VWA8: variants seen among roughly 807,000 people sequenced by gnomAD.
The protein encoded by VWA8 is von Willebrand factor A domain-containing protein 8.
A neutral mutation model predicts 241.5 loss-of-function variants in VWA8; 221 were observed. The ratio of observed to expected loss-of-function variants is 0.91; its 90% confidence interval spans 0.82 to 1.02. The LOEUF (loss-of-function observed/expected upper bound fraction) is 1.02. Among genes scored for constraint, VWA8 ranks in the 50% least tolerant of loss-of-function variants. The probability of loss-of-function intolerance (pLI) is 0.00; values close to 1 mark genes in which losing one functional copy is unlikely to be tolerated. For synonymous variants in VWA8, 852 were observed against 827.1 expected, an observed-to-expected ratio of 1.03 and a Z score of -0.52; for missense variants, 2,322 against 2,328.7, an observed-to-expected ratio of 1.00 and a Z score of 0.06.
chr13:41,624,629 T>G (rs2044677277), intron 37 of VWA8, among the ~76,000 whole-genome samples: 1 of 152,178 alleles, frequency 6.6e-6, no homozygotes, highest in South Asian at 2.1e-4. Flanking sequence ...CAACATCCCT[T>G]TATGTTAAAA....
At position 41,719,604 on chromosome 13, in the gene VWA8, G is replaced by A; in HGVS notation, c.3103C>T (p.Gln1035Ter). The change falls in exon 26 of 45, where the codon CAG becomes TAG. Residue 1035 changes from glutamine to a stop codon, truncating the protein, a stop_gained. Transcript: ENST00000379310. LOFTEE classifies it high-confidence loss of function. ...IPIGAKPTSV[Q>*]LAKELTLPEQ... ...AATTTGCCTTACTCCTTTGCCAGCT[G>A]CACACTGGTAGGCTTTGCTCCGATA... The A allele has an allele frequency of 6.2e-7, 1 of 1,612,924 alleles. No individual in the cohort carries two copies. The highest frequency in any genetic ancestry group is 8.5e-7 in the Non-Finnish European group (1 of 1,179,236).
chr13:41,758,440 A>G (rs1456921675), intron 21 of VWA8, among the ~76,000 whole-genome samples: 1 of 109,472 alleles, frequency 9.1e-6, no homozygotes, highest in African/African-American at 3.1e-5. Flanking sequence ...ACGCTAGTAT[A>G]TATATTCCAT....
intron 12 of VWA8, among the ~76,000 whole-genome samples, chr13:41,838,557 T>C (rs1037383721): frequency 2.0e-5 from 3 of 152,144 alleles, no homozygotes; most frequent in Non-Finnish European, 4.4e-5. Context: ...ACCCAACAGT[T>C]TCAGAAAGTA....
chr13:41,862,311 G>A (rs1175602065), intron 12 of VWA8, among the ~76,000 whole-genome samples: 3 of 152,184 alleles, frequency 2.0e-5, no homozygotes, highest in Admixed American at 6.5e-5. Context: ...ATAGGTTAGA[G>A]ACTTAAATCT....
At chr13:41,634,896 T>C (rs1368232335) in intron 37 of VWA8, among the ~76,000 whole-genome samples, 3 of 152,186 alleles carry the variant, frequency 2.0e-5, no homozygotes, top group Non-Finnish European at 4.4e-5. Flanking sequence ...CACTAAGATT[T>C]TGAAGTTAAG....
At chr13:41,673,832 G>A (rs1477377059) in intron 36 of VWA8, among the ~76,000 whole-genome samples, 1 of 152,164 alleles carries the variant, frequency 6.6e-6, no homozygotes, top group African/African-American at 2.4e-5. Context: ...GCACACAGCT[G>A]CTCTTCCAGA....
At chr13:41,708,129 G>A (rs951063607) in intron 26 of VWA8, among the ~76,000 whole-genome samples, 1 of 152,012 alleles carries the variant, frequency 6.6e-6, no homozygotes, top group Non-Finnish European at 1.5e-5. Context: ...AGGCCGAGGC[G>A]GGCGGATCAC....
chr13:41,650,671 T>C (rs2044863371), intron 37 of VWA8, among the ~76,000 whole-genome samples: 1 of 152,204 alleles, frequency 6.6e-6, no homozygotes, highest in Non-Finnish European at 1.5e-5. Flanking sequence ...GTCAGGCTCC[T>C]AGGTGGGTGC....
chr13:41,748,764 T>G (rs755775871), intron 21 of VWA8, among the ~76,000 whole-genome samples: 96 of 152,316 alleles, frequency 6.3e-4, no homozygotes, highest in South Asian at 1.7e-3. Flanking sequence ...GGGGAAAGGA[T>G]TCCCTATTTA....
At chr13:41,864,039 C>A (rs1348894569) in intron 12 of VWA8, among the ~76,000 whole-genome samples, 1 of 151,294 alleles carries the variant, frequency 6.6e-6, no homozygotes, top group East Asian at 1.9e-4. Flanking sequence ...TACAAATAGC[C>A]AGTAAGTACA....
Position 41,721,432 on chromosome 13 carries a change from G to A in VWA8, c.2902C>T (p.Gln968Ter). 1 of 1,613,812 alleles carries A rather than the reference G, an allele frequency of 6.2e-7. No homozygotes were observed. The highest frequency in any genetic ancestry group is 8.5e-7 in the Non-Finnish European group (1 of 1,179,824). ...AFGELRSLAD[Q>*]GIINYPYSTR... ...GAATAAGGATAGTTAATAATCCCTT[G>A]GTCAGCCAAACTCCTCAGCTCTCCA... The change falls in exon 25 of 45, where the codon CAA becomes TAA. Residue 968 changes from glutamine to a stop codon, truncating the protein, a stop_gained. Transcript: ENST00000379310. LOFTEE classifies it high-confidence loss of function.
At position 41,675,361 on chromosome 13, in the gene VWA8, A is replaced by T. The variant is rs1338399848; in HGVS notation, c.4328-65T>A. 4 of 1,193,614 alleles carry T rather than the reference A, an allele frequency of 3.4e-6. No individual in the cohort carries two copies. The Admixed American group carries it at 7.1e-5, about 21-fold the overall frequency. The allele number at this position is 1,193,614 out of a possible 1,614,324, so 73.9% of individuals were successfully genotyped here. Reference sequence around the variant, plus strand: ...TGCAAGATACCAAAATGGTGCTAAAAGTGGAATCAAGTTATCTGTAGCCTA... The same window carrying T: ...TGCAAGATACCAAAATGGTGCTAAATGTGGAATCAAGTTATCTGTAGCCTA... On this transcript the variant is annotated intron_variant, in intron 35 of 44. Coordinates refer to ENST00000379310, the MANE Select transcript of VWA8 (RefSeq NM_015058.2).
intron 4 of VWA8, among the ~76,000 whole-genome samples, chr13:41,900,994 A>G (rs943447675): frequency 1.3e-5 from 2 of 152,100 alleles, no homozygotes; most frequent in Non-Finnish European, 2.9e-5. Flanking sequence ...TATCTCATAG[A>G]CTGTGTTGCA....
intron 37 of VWA8, among the ~76,000 whole-genome samples, chr13:41,666,242 T>C (rs2044984976): frequency 6.6e-6 from 1 of 152,160 alleles, no homozygotes; most frequent in Non-Finnish European, 1.5e-5. Context: ...TTTTCTTCAA[T>C]TCTTTACTCA....
intron 35 of VWA8, among the ~76,000 whole-genome samples, chr13:41,678,038 G>T (rs934819409): frequency 2.6e-5 from 4 of 152,190 alleles, no homozygotes; most frequent in Admixed American, 6.5e-5. Flanking sequence ...AAACAGCGAG[G>T]ATACAGAAAA....
chr13:41,779,028 A>C (rs1465816993), intron 19 of VWA8, among the ~76,000 whole-genome samples: 5 of 150,316 alleles, frequency 3.3e-5, no homozygotes, highest in Non-Finnish European at 7.4e-5. Flanking sequence ...TTTTTGGTAG[A>C]GACAGGGTTT....
chr13:41,752,456 G>A (rs2045663364), intron 21 of VWA8, among the ~76,000 whole-genome samples: 1 of 152,044 alleles, frequency 6.6e-6, no homozygotes, highest in Non-Finnish European at 1.5e-5. Flanking sequence ...GCTGTACTAG[G>A]TCAAGATGGA....
intron 21 of VWA8, among the ~76,000 whole-genome samples, chr13:41,760,125 A>C (rs1192517531): frequency 2.0e-5 from 3 of 151,786 alleles, no homozygotes; most frequent in Admixed American, 1.3e-4. Context: ...TATTTAATGA[A>C]GGAACTCTGG....
intron 43 of VWA8, among the ~76,000 whole-genome samples, chr13:41,572,837 C>T (rs1181034887): frequency 4.0e-5 from 6 of 148,586 alleles, no homozygotes; most frequent in South Asian, 2.1e-4. Flanking sequence ...AGGCCGGGCG[C>T]GGTGGCTCAC....
Sources: gnomAD v4.1 joint callset for allele counts (sites outside exome capture counted in the v4.1 genomes callset) on GRCh38, gnomAD v4.1.1 for gene constraint, MANE v1.5 for transcripts, NCBI Gene and HGNC (gene_info 2026-07-23, HGNC 2026-07-21) for gene names.